PHKB: variants seen among roughly 807,000 people sequenced by gnomAD.
The protein encoded by PHKB is phosphorylase kinase regulatory subunit beta, also known as phosphorylase b kinase regulatory subunit beta.
PHKB carries 122 observed loss-of-function variants against 152.1 expected under a neutral mutation model. The observed-to-expected ratio is 0.80, with a 90% confidence interval of 0.69 to 0.93. The LOEUF (loss-of-function observed/expected upper bound fraction) is 0.93, where lower values mean the gene tolerates loss of function less well. Ranked by LOEUF, PHKB falls within the 40% of genes least tolerant of loss-of-function variation. The pLI is 0.00. For synonymous variants in PHKB, 436 were observed against 464.9 expected, an observed-to-expected ratio of 0.94 and a Z score of 0.80; for missense variants, 1,304 against 1,328.4, an observed-to-expected ratio of 0.98 and a Z score of 0.29.
intron 7 of PHKB, among the ~76,000 whole-genome samples, chr16:47,552,347 G>T (rs980154247): frequency 6.6e-6 from 1 of 152,150 alleles, no homozygotes; most frequent in Non-Finnish European, 1.5e-5. Context: ...TGCAGTGGCT[G>T]GTATTGGTTT....
In PHKB at chr16:47,699,445, G is replaced by A; in HGVS notation, c.*79G>A. ...TTCATGTTCAAGCTTAATCAAGGCAGCCATTAATATACGAACTGAGCATGC... is the reference window on the plus strand; with the variant it reads ...TTCATGTTCAAGCTTAATCAAGGCAACCATTAATATACGAACTGAGCATGC... On this transcript the variant is annotated 3_prime_UTR_variant, in exon 31 of 31. Transcript: ENST00000323584. 1.3e-6 allele frequency: 2 copies of A among 1,539,040 alleles called. No individual in the cohort carries two copies. The highest frequency in any genetic ancestry group is 1.8e-6 in the Non-Finnish European group (2 of 1,111,776).
rs565673447 is a variant in PHKB at position 47,554,678 on chromosome 16, G to A, written c.710+7130G>A. ...CCTAAGGGAATCTCCTGGTCTGTGT[G>A]TTGCAAAGACTATGGGAAAAGTGTA... On this transcript the variant is annotated intron_variant, in intron 7 of 30. Transcript: ENST00000323584. Among the ~76,000 whole-genome samples the A allele has an allele frequency of 1.9e-3, 288 of 152,324 alleles. 1 individual carries two copies. The highest frequency in any genetic ancestry group is 3.9e-3 in the South Asian group (19 of 4,826).
chr16:47,587,523 A>G (rs1012516549), intron 8 of PHKB, 145 bp from the exon 9 acceptor site: 18 of 632,424 alleles, frequency 2.8e-5, no homozygotes, highest in African/African-American at 2.2e-4. Context: ...TATTGAAAGT[A>G]CAAACAAAAT....
At position 47,701,235 on chromosome 16, in the gene PHKB, G is replaced by A. The variant is rs544405535; in HGVS notation, c.*1869G>A. ...AATTTTTGTTTGCCGAAATTTTTAC[G>A]AAAGTAAACTGTGTTGTAGTTTTAA... On this transcript the variant is annotated 3_prime_UTR_variant, in exon 31 of 31. Transcript: ENST00000323584. 1 of 152,294 alleles carries A rather than the reference G, an allele frequency of 6.6e-6. No individual in the cohort carries two copies. The highest frequency in any genetic ancestry group is 1.9e-4 in the East Asian group (1 of 5,186). 9.4% of individuals were successfully genotyped at this position (152,294 alleles called of 1,614,324 possible). A position where few individuals can be genotyped will look rare whatever the true frequency, so the allele number is the denominator to read the frequency against.
intron 1 of PHKB, 81 bp from the exon 2 acceptor site, chr16:47,497,318 C>T: frequency 1.2e-6 from 1 of 852,422 alleles, no homozygotes; most frequent in Non-Finnish European, 1.9e-6. Flanking sequence ...TTAAGCACTG[C>T]TTCTTCATTT....
At chr16:47,644,031 G>A (rs562773771) in intron 16 of PHKB, among the ~76,000 whole-genome samples, 1 of 152,130 alleles carries the variant, frequency 6.6e-6, no homozygotes, top group East Asian at 1.9e-4. Flanking sequence ...AATGTGGGGA[G>A]CACTAAATAA....
chr16:47,606,469 C>A (rs1972325923), intron 13 of PHKB, among the ~76,000 whole-genome samples: 1 of 151,858 alleles, frequency 6.6e-6, no homozygotes. Context: ...AGCCAAAGAT[C>A]AAGAATGAAA....
In PHKB at chr16:47,594,575, G is replaced by A. The variant is rs571590639; in HGVS notation, c.1204+361G>A. 6.0e-4 allele frequency among the ~76,000 whole-genome samples: 91 copies of A among 152,284 alleles called. 3 individuals are homozygous for A. The South Asian group carries it at 0.018, about 31-fold the overall frequency. On this transcript the variant is annotated intron_variant, in intron 12 of 30. Coordinates refer to ENST00000323584, the MANE Select transcript of PHKB (RefSeq NM_000293.3). ...GGCTACCTGGAGAGGTTCTGCTCTT[G>A]TCTAAAGGCACTAGAATTGCCGAGA...
intron 28 of PHKB, among the ~76,000 whole-genome samples, chr16:47,696,030 A>G (rs1341148957): frequency 1.3e-5 from 2 of 152,242 alleles, no homozygotes; most frequent in Non-Finnish European, 2.9e-5. Flanking sequence ...GGAGCCTGAC[A>G]GCAAGCATAA....
intron 16 of PHKB, among the ~76,000 whole-genome samples, chr16:47,645,784 C>T (rs1160883653): frequency 6.8e-6 from 1 of 146,246 alleles, no homozygotes; most frequent in East Asian, 2.1e-4. Context: ...AAGAAATGCT[C>T]ATCATCACTG....
At chr16:47,657,428 A>G (rs1352447722) in intron 20 of PHKB, among the ~76,000 whole-genome samples, 1 of 152,196 alleles carries the variant, frequency 6.6e-6, no homozygotes, top group Non-Finnish European at 1.5e-5. Flanking sequence ...AAGGAATGCA[A>G]TCTTAGGTAG....
At chr16:47,546,913 G>T (rs1198019921) in intron 6 of PHKB, among the ~76,000 whole-genome samples, 2 of 152,156 alleles carry the variant, frequency 1.3e-5, no homozygotes, top group Non-Finnish European at 2.9e-5. Context: ...CGCTGAGCAA[G>T]GTGCAGGATA....
intron 7 of PHKB, among the ~76,000 whole-genome samples, chr16:47,562,739 A>C (rs922937297): frequency 2.2e-4 from 34 of 152,200 alleles, no homozygotes; most frequent in African/African-American, 8.0e-4. Context: ...ATAAGACAAC[A>C]ATGAAGTTTG....
chr16:47,591,308 G>A (rs905737350), intron 10 of PHKB, among the ~76,000 whole-genome samples: 1 of 151,926 alleles, frequency 6.6e-6, no homozygotes, highest in African/African-American at 2.4e-5. Flanking sequence ...CCTCTACTTG[G>A]TGTCTCCTTG....
chr16:47,650,472 G>T, intron 18 of PHKB, 72 bp from the exon 19 acceptor site: 1 of 890,838 alleles, frequency 1.1e-6, no homozygotes, highest in Non-Finnish European at 1.9e-6. Flanking sequence ...TTGGCTCTTT[G>T]GCACTCATGG....
chr16:47,551,862 G>C lies in PHKB; in HGVS notation c.710+4314G>C, dbSNP rs149300698. Among the ~76,000 whole-genome samples the C allele has an allele frequency of 4.0e-3, 614 of 152,250 alleles. 3 individuals are homozygous for C. Among genetic ancestry groups the C allele is most frequent in the African/African-American group, 0.014 (601 of 41,542 alleles). On this transcript the variant is annotated intron_variant, in intron 7 of 30. Coordinates refer to ENST00000323584, the MANE Select transcript of PHKB (RefSeq NM_000293.3). ...TGTGGGAGTGTAAGTCTCTTTGTAG[G>C]TCTCTAAGGGCTTGCTTTATGAATC...
intron 7 of PHKB, among the ~76,000 whole-genome samples, chr16:47,569,465 C>CA (rs796329127): frequency 4.6e-5 from 7 of 152,174 alleles, no homozygotes; most frequent in African/African-American, 1.7e-4. Flanking sequence ...TCCATTCTGC[C>CA]AATCTGTATC....
At chr16:47,567,011 A>G in intron 7 of PHKB, 2 of 400,062 alleles carry the variant, frequency 5.0e-6, no homozygotes, top group Non-Finnish European at 4.5e-6. Context: ...GTATAATTTT[A>G]AGTCAGGTAA....
At chr16:47,567,433 C>A (rs1302956933) in intron 7 of PHKB, among the ~76,000 whole-genome samples, 1 of 152,010 alleles carries the variant, frequency 6.6e-6, no homozygotes, top group Admixed American at 6.6e-5. Context: ...ATCTGGGAGT[C>A]TTTTAGAGGA....
Sources: gnomAD v4.1 joint callset for allele counts (sites outside exome capture counted in the v4.1 genomes callset) on GRCh38, gnomAD v4.1.1 for gene constraint, MANE v1.5 for transcripts, NCBI Gene and HGNC (gene_info 2026-07-23, HGNC 2026-07-21) for gene names.